Variants in RPH3A observed in about 807,000 individuals in gnomAD.
The protein encoded by RPH3A is rabphilin 3A, also known as rabphilin-3A.
Under a neutral mutation model 102.2 loss-of-function variants are expected in RPH3A, and 48 were observed. That is an observed-to-expected ratio of 0.47 (90% CI 0.37 to 0.60). The LOEUF (loss-of-function observed/expected upper bound fraction) is 0.60, where lower values mean the gene tolerates loss of function less well. RPH3A is among the 20% of genes least tolerant of loss of function. The probability of loss-of-function intolerance (pLI) is 0.00; values close to 1 mark genes in which losing one functional copy is unlikely to be tolerated. For synonymous variants in RPH3A, 310 were observed against 324.3 expected, an observed-to-expected ratio of 0.96 and a Z score of 0.47; for missense variants, 781 against 910.1, an observed-to-expected ratio of 0.86 and a Z score of 1.83.
At chr12:112,653,596 A>G (rs1300437264) in intron 1 of RPH3A, among the ~76,000 whole-genome samples, 2 of 152,094 alleles carry the variant, frequency 1.3e-5, no homozygotes, top group African/African-American at 4.8e-5. Context: ...CTTCAATAAT[A>G]AATTAGCTTA....
chr12:112,894,256 C>A (rs1231561093), intron 19 of RPH3A: 1 of 381,000 alleles, frequency 2.6e-6, no homozygotes. Context: ...AGAACACAGA[C>A]TCTAGATGCA....
chr12:112,670,879 A>G (rs2040123907), intron 1 of RPH3A, among the ~76,000 whole-genome samples: 1 of 152,190 alleles, frequency 6.6e-6, no homozygotes, highest in African/African-American at 2.4e-5. Flanking sequence ...GCCAGCCCAG[A>G]TTTAAGGGGT....
At chr12:112,788,006 C>T (rs773727102), upstream of RPH3A, among the ~76,000 whole-genome samples, 1 of 152,244 alleles carries the variant, frequency 6.6e-6, no homozygotes, top group African/African-American at 2.4e-5. Flanking sequence ...CCTGGCCGGG[C>T]TCAGCCTTGA....
At chr12:112,690,085 T>A (rs10492019) in intron 1 of RPH3A, among the ~76,000 whole-genome samples, 1 of 152,142 alleles carries the variant, frequency 6.6e-6, no homozygotes, top group African/African-American at 2.4e-5. Flanking sequence ...TCCCATTTAA[T>A]GTTATAAACG....
chr12:112,772,441 C>A (rs2040933289), intron 1 of RPH3A, among the ~76,000 whole-genome samples: 1 of 152,158 alleles, frequency 6.6e-6, no homozygotes, highest in African/African-American at 2.4e-5. Flanking sequence ...AATGGAAATG[C>A]CCACTCCTTA....
In RPH3A at chr12:112,582,309, A is replaced by C. The variant is rs997276655; in HGVS notation, c.-140+6990A>C. Among the ~76,000 whole-genome samples, 37 of 147,066 alleles carry C rather than the reference A, an allele frequency of 2.5e-4. 2 individuals are homozygous for C. Among genetic ancestry groups the C allele is most frequent in the Admixed American group, 4.1e-4 (6 of 14,790 alleles). On this transcript the variant is annotated intron_variant, in intron 1 of 21. Coordinates refer to the RPH3A transcript ENST00000543106. ...TACCCAGGTTGGAGTGCAGTGGTGC[A>C]ATTGTAGCTCACTGCAGCCTCCAGC... is the stretch of plus-strand genomic sequence containing the variant.
intron 4 of RPH3A, chr12:112,842,002 A>G: frequency 4.4e-6 from 2 of 455,986 alleles, no homozygotes; most frequent in Non-Finnish European, 8.8e-6. Flanking sequence ...CACTGCTACT[A>G]CCATGGCTTT....
At chr12:112,673,323 C>T (rs1219914534) in intron 1 of RPH3A, among the ~76,000 whole-genome samples, 2 of 151,990 alleles carry the variant, frequency 1.3e-5, no homozygotes, top group Non-Finnish European at 2.9e-5. Flanking sequence ...TTTTACTTTA[C>T]ATTTATCTAT....
At chr12:112,830,674 T>C (rs2041955766) in intron 3 of RPH3A, among the ~76,000 whole-genome samples, 1 of 152,154 alleles carries the variant, frequency 6.6e-6, no homozygotes, top group Admixed American at 6.5e-5. Flanking sequence ...TTGGAGTTGA[T>C]CTATGTTACT....
At chr12:112,828,457 GA>G in intron 3 of RPH3A, 68 bp downstream of exon 3, 2 of 1,192,630 alleles carry the variant, frequency 1.7e-6, no homozygotes, top group South Asian at 1.4e-5. Context: ...TTCTACACTT[GA>G]AAAAAAGAAG....
chr12:112,614,358 G>A (rs547218018), intron 1 of RPH3A, among the ~76,000 whole-genome samples: 11 of 152,070 alleles, frequency 7.2e-5, no homozygotes, highest in South Asian at 6.2e-4. Context: ...ACATCATAGC[G>A]TGATAGTGGA....
At chr12:112,670,026 A>G (rs1012861146) in intron 1 of RPH3A, among the ~76,000 whole-genome samples, 5 of 152,230 alleles carry the variant, frequency 3.3e-5, no homozygotes, top group Non-Finnish European at 5.9e-5. Flanking sequence ...TTTTCAGTAC[A>G]TGCACAACTA....
At chr12:112,805,110 A>G (rs1302145349) in intron 2 of RPH3A, among the ~76,000 whole-genome samples, 1 of 152,250 alleles carries the variant, frequency 6.6e-6, no homozygotes, top group Non-Finnish European at 1.5e-5. Context: ...ATTTTTTAAA[A>G]ATAAAACATT....
chr12:112,601,816 C>T (rs2039561491), intron 1 of RPH3A, among the ~76,000 whole-genome samples: 1 of 151,466 alleles, frequency 6.6e-6, no homozygotes, highest in Non-Finnish European at 1.5e-5. Flanking sequence ...CCTGTGTAGA[C>T]TGTGGTCCCA....
intron 5 of RPH3A, among the ~76,000 whole-genome samples, chr12:112,855,011 C>T (rs1262578878): frequency 7.5e-6 from 1 of 133,776 alleles, no homozygotes; most frequent in African/African-American, 2.5e-5. Context: ...TGATCCTTGT[C>T]CCCTTCAGGC....
At chr12:112,881,236 C>T (rs1859337) in intron 14 of RPH3A, among the ~76,000 whole-genome samples, 76,122 of 151,976 alleles carry the variant, frequency 0.5, 20,341 homozygotes, top group African/African-American at 0.67. Flanking sequence ...CCTAAGCTTC[C>T]TTCCTCTATA....
rs186991617 is a variant in RPH3A at position 112,808,937 on chromosome 12, G to A, written c.-19+16674G>A. Among the ~76,000 whole-genome samples, 316 of 152,240 alleles carry A rather than the reference G, an allele frequency of 2.1e-3. 1 individual carries two copies. The highest frequency in any genetic ancestry group is 3.4e-3 in the Non-Finnish European group (234 of 68,008). On this transcript the variant is annotated intron_variant, in intron 2 of 21. Transcript: ENST00000389385. ...CTGGCTGTGCATTATAAACACCTGG[G>A]GAACTTTAGCAATATAGCCATACCA... is the stretch of plus-strand genomic sequence containing the variant.
chr12:112,858,186 G>A (rs886375319), intron 5 of RPH3A, among the ~76,000 whole-genome samples: 1 of 137,306 alleles, frequency 7.3e-6, no homozygotes, highest in South Asian at 2.5e-4. Flanking sequence ...AAGTTTGCTT[G>A]AGCCCAGGAG....
intron 16 of RPH3A, among the ~76,000 whole-genome samples, chr12:112,887,363 A>T (rs2043018237): frequency 6.6e-6 from 1 of 152,234 alleles, no homozygotes. Flanking sequence ...ATCTTGAGCA[A>T]GAGAAGCCAA....
Sources: gnomAD v4.1 joint callset for allele counts (sites outside exome capture counted in the v4.1 genomes callset) on GRCh38, gnomAD v4.1.1 for gene constraint, MANE v1.5 for transcripts, NCBI Gene and HGNC (gene_info 2026-07-23, HGNC 2026-07-21) for gene names.